The following SEMA3A variants were observed in gnomAD, a reference collection of about 807,000 sequenced individuals.
SEMA3A encodes the protein semaphorin-3A.
SEMA3A carries 29 observed loss-of-function variants against 97.9 expected under a neutral mutation model. The ratio of observed to expected loss-of-function variants is 0.30; its 90% CI spans 0.22 to 0.40. The LOEUF (loss-of-function observed/expected upper bound fraction) is 0.40. SEMA3A is among the 10% of genes least tolerant of loss of function. SEMA3A has a pLI of 1.00. For synonymous variants in SEMA3A, 321 were observed against 323.7 expected, an observed-to-expected ratio of 0.99 and a Z score of 0.09; for missense variants, 763 against 951.3, an observed-to-expected ratio of 0.80 and a Z score of 2.60.
chr7:84,206,130 A>G (rs1798488711), intron 3 of SEMA3A, among the ~76,000 whole-genome samples: 1 of 152,156 alleles, frequency 6.6e-6, no homozygotes, highest in South Asian at 2.1e-4. Flanking sequence ...TTTCCCTCAT[A>G]CAATTTCAGA....
intron 3 of SEMA3A, among the ~76,000 whole-genome samples, chr7:84,270,579 TA>T (rs1329663162): frequency 6.8e-6 from 1 of 147,698 alleles, no homozygotes; most frequent in Non-Finnish European, 1.5e-5. Context: ...TTCATATTCA[TA>T]AATATATAAA....
intron 5 of SEMA3A, among the ~76,000 whole-genome samples, chr7:84,050,309 G>C (rs1257213847): frequency 3.3e-5 from 5 of 152,170 alleles, no homozygotes; most frequent in African/African-American, 1.2e-4. Context: ...GGTTGAACTA[G>C]TTTACAGTCC....
rs750595073 is a variant in SEMA3A, at chr7:84,194,614, G to A, written c.-28C>T. Reference sequence around the variant, plus strand: ...TGCAGACGCTGTAGGTCCCTTTGCTGCTTTAGTCTTCCTTCCTGTATTGTG... The same window carrying A: ...TGCAGACGCTGTAGGTCCCTTTGCTACTTTAGTCTTCCTTCCTGTATTGTG... On this transcript the variant is annotated 5_prime_UTR_variant, in exon 1 of 17. Coordinates refer to ENST00000265362, the MANE Select transcript of SEMA3A (RefSeq NM_006080.3). 3.1e-5 allele frequency: 43 copies of A among 1,375,018 alleles called. No homozygotes were observed. In the South Asian group the frequency reaches 4.3e-4, roughly 14 times the overall value. The allele number at this position is 1,375,018 out of a possible 1,614,324, so 85.2% of individuals were successfully genotyped here.
chr7:84,463,089 T>C (rs1308913725), intron 1 of SEMA3A, among the ~76,000 whole-genome samples: 1 of 152,116 alleles, frequency 6.6e-6, no homozygotes. Flanking sequence ...ACCACCAAAG[T>C]ACTGAATCAG....
intron 3 of SEMA3A, among the ~76,000 whole-genome samples, chr7:84,240,536 T>G (rs1368979098): frequency 6.6e-6 from 1 of 152,260 alleles, no homozygotes; most frequent in East Asian, 1.9e-4. Context: ...AGAGGGAAGA[T>G]AAATTCAGAA....
At chr7:84,414,288 C>T (rs1804365344) in intron 1 of SEMA3A, among the ~76,000 whole-genome samples, 1 of 151,642 alleles carries the variant, frequency 6.6e-6, no homozygotes, top group Non-Finnish European at 1.5e-5. Flanking sequence ...ATTTCCATTG[C>T]CCATAAACAT....
intron 4 of SEMA3A, among the ~76,000 whole-genome samples, chr7:84,092,991 G>T (rs1794644773): frequency 6.6e-6 from 1 of 151,988 alleles, no homozygotes; most frequent in South Asian, 2.1e-4. Flanking sequence ...GATAATATTT[G>T]TTAATCAATA....
chr7:84,260,076 T>C (rs775596625), intron 3 of SEMA3A, among the ~76,000 whole-genome samples: 6 of 152,162 alleles, frequency 3.9e-5, no homozygotes, highest in Admixed American at 6.5e-5. Flanking sequence ...TAGCATTTAG[T>C]TGGTAGTAAA....
At chr7:83,980,623 A>AAAAAAAAAAAAAAAAATAT (rs1310318006) in intron 14 of SEMA3A, among the ~76,000 whole-genome samples, 15 of 71,756 alleles carry the variant, frequency 2.1e-4, no homozygotes, top group South Asian at 3.9e-4. Flanking sequence ...AAAAAAAAAA[A>AAAAAAAAAAAAAAAAATAT]ATATATATAT....
At chr7:84,353,020 C>T (rs1404821857) in intron 2 of SEMA3A, among the ~76,000 whole-genome samples, 1 of 151,686 alleles carries the variant, frequency 6.6e-6, no homozygotes, top group African/African-American at 2.4e-5. Context: ...TAACAAAGTC[C>T]ACAGAATCTC....
chr7:84,014,035 G>A (rs1294728960), intron 7 of SEMA3A, among the ~76,000 whole-genome samples, 174 bp downstream of exon 7: 1 of 152,100 alleles, frequency 6.6e-6, no homozygotes, highest in Non-Finnish European at 1.5e-5. Context: ...ATTTGACTGC[G>A]AAGAGTTACT....
At chr7:84,193,254 A>C (rs1474197349) in intron 1 of SEMA3A, among the ~76,000 whole-genome samples, 1 of 152,032 alleles carries the variant, frequency 6.6e-6, no homozygotes, top group South Asian at 2.1e-4. Flanking sequence ...TGAAAATTAC[A>C]TCTCTCTTCT....
At chr7:84,132,699 G>A (rs536613746) in intron 2 of SEMA3A, among the ~76,000 whole-genome samples, 24 of 105,362 alleles carry the variant, frequency 2.3e-4, no homozygotes, top group Admixed American at 7.4e-4. Context: ...TTTTTGAGAC[G>A]GAGTCTCGCT....
At chr7:84,292,698 T>G (rs536068581) in intron 3 of SEMA3A, among the ~76,000 whole-genome samples, 1 of 152,186 alleles carries the variant, frequency 6.6e-6, no homozygotes, top group South Asian at 2.1e-4. Context: ...ATAACATTAG[T>G]GACGTTATGG....
At chr7:84,326,479 A>G (rs918506438) in intron 2 of SEMA3A, among the ~76,000 whole-genome samples, 2 of 152,124 alleles carry the variant, frequency 1.3e-5, no homozygotes, top group Non-Finnish European at 2.9e-5. Context: ...CAGAAAAGAT[A>G]CAGAATGATT....
intron 6 of SEMA3A, among the ~76,000 whole-genome samples, chr7:84,028,601 G>GTTTA (rs1791627708): frequency 1.3e-5 from 2 of 151,768 alleles, no homozygotes; most frequent in African/African-American, 4.8e-5. Flanking sequence ...AAGTTTGTTT[G>GTTTA]TTTAATTTAT....
intron 3 of SEMA3A, among the ~76,000 whole-genome samples, chr7:84,285,986 A>AG (rs1247818772): frequency 1.3e-5 from 2 of 150,576 alleles, no homozygotes; most frequent in Non-Finnish European, 1.5e-5. Flanking sequence ...AAAAAAAAAA[A>AG]AAGAAGAAGA....
upstream of SEMA3A, among the ~76,000 whole-genome samples, chr7:84,197,293 A>T (rs1798254601): frequency 6.6e-6 from 1 of 152,150 alleles, no homozygotes; most frequent in Non-Finnish European, 1.5e-5. Context: ...TAAAAGTTTC[A>T]TAGGTTTGCA....
chr7:84,110,103 C>T (rs1045025572), intron 4 of SEMA3A, among the ~76,000 whole-genome samples: 12 of 152,062 alleles, frequency 7.9e-5, no homozygotes, highest in African/African-American at 2.7e-4. Context: ...AAGAAAACAA[C>T]TGGGTGGCAG....
Sources: allele counts gnomAD v4.1 joint callset (sites outside exome capture counted in the v4.1 genomes callset), GRCh38; gene constraint gnomAD v4.1.1; transcripts MANE v1.5; gene names NCBI Gene and HGNC (gene_info 2026-07-23, HGNC 2026-07-21).